Variants in DSCAM observed in about 807,000 individuals in gnomAD.
DSCAM encodes DS cell adhesion molecule.
A neutral mutation model predicts 217.7 loss-of-function variants in DSCAM; 47 were observed. The ratio of observed to expected loss-of-function variants is 0.22; its 90% CI spans 0.17 to 0.28. DSCAM has a LOEUF of 0.28. Ranked by LOEUF, DSCAM falls within the 10% of genes least tolerant of loss-of-function variation. The pLI is 1.00. For synonymous variants in DSCAM, 1,056 were observed against 1,015.3 expected (o/e 1.04, Z -0.76); for missense variants, 2,080 against 2,618.3 (o/e 0.79, Z 4.49).
At chr21:40,611,152 G>A (rs777071575) in intron 3 of DSCAM, among the ~76,000 whole-genome samples, 4 of 145,770 alleles carry the variant, frequency 2.7e-5, no homozygotes, top group Non-Finnish European at 4.5e-5. Flanking sequence ...TCTGCCTCCC[G>A]GGTTCAAGCG....
chr21:40,250,456 C>G (rs1221584641), intron 11 of DSCAM, among the ~76,000 whole-genome samples: 2 of 152,302 alleles, frequency 1.3e-5, no homozygotes, highest in East Asian at 3.9e-4. Context: ...GATGCATCTT[C>G]TGTGGTTCTT....
chr21:40,275,626 T>C (rs1282554720), intron 11 of DSCAM, among the ~76,000 whole-genome samples: 1 of 152,206 alleles, frequency 6.6e-6, no homozygotes, highest in Non-Finnish European at 1.5e-5. Flanking sequence ...TGTTCGCTAG[T>C]CACTTGATTT....
chr21:40,333,509 T>A (rs1381985672), intron 8 of DSCAM, among the ~76,000 whole-genome samples: 1 of 152,126 alleles, frequency 6.6e-6, no homozygotes, highest in Non-Finnish European at 1.5e-5. Flanking sequence ...GGATTACAGG[T>A]GTGTGCCACC....
rs896288427 is a variant in DSCAM at position 40,011,486 on chromosome 21, G to A, written c.*1548C>T. On this transcript the variant is annotated 3_prime_UTR_variant, in exon 33 of 33. Coordinates refer to ENST00000400454, the MANE Select transcript of DSCAM (RefSeq NM_001389.5). Reference sequence around the variant, plus strand: ...CTTCAGCCTGGGAGACTGAGCAGCTGTGGATATTTGATCATGTTTTCTGGT... The same window carrying A: ...CTTCAGCCTGGGAGACTGAGCAGCTATGGATATTTGATCATGTTTTCTGGT... The A allele has an allele frequency of 2.6e-5, 4 of 152,306 alleles. No individual in the cohort carries two copies. The highest frequency in any genetic ancestry group is 4.1e-4 in the South Asian group (2 of 4,820). The allele number at this position is 152,306 out of a possible 1,614,324, so 9.4% of individuals were successfully genotyped here.
rs140091698 is a variant in DSCAM, at chr21:40,042,061, G to A, written c.5686+310C>T. Among the ~76,000 whole-genome samples the A allele has an allele frequency of 6.9e-3, 1,052 of 152,280 alleles. 13 individuals carry two copies. Among genetic ancestry groups the A allele is most frequent in the African/African-American group, 0.024 (978 of 41,558 alleles). ...TGCTGTGAGGAAGCTAAAGCACCTT[G>A]TGGAGAGGCCAGCACAGGGAGAACA... is the stretch of plus-strand genomic sequence containing the variant. On this transcript the variant is annotated intron_variant, in intron 32 of 32. Transcript: ENST00000400454.
chr21:40,683,054 A>C (rs2090431911), intron 3 of DSCAM, among the ~76,000 whole-genome samples: 1 of 152,236 alleles, frequency 6.6e-6, no homozygotes, highest in South Asian at 2.1e-4. Flanking sequence ...TCTGCACGCC[A>C]GGATGAGGCC....
intron 32 of DSCAM, among the ~76,000 whole-genome samples, chr21:40,022,462 G>A (rs1286799900): frequency 6.6e-6 from 1 of 152,196 alleles, no homozygotes; most frequent in Non-Finnish European, 1.5e-5. Flanking sequence ...ATAAAGCATT[G>A]AATTCAACCA....
At chr21:40,315,929 A>G (rs1035906929) in intron 8 of DSCAM, among the ~76,000 whole-genome samples, 4 of 152,222 alleles carry the variant, frequency 2.6e-5, no homozygotes, top group African/African-American at 7.2e-5. Flanking sequence ...CTAAAAGTAA[A>G]TTATAAAGAA....
intron 3 of DSCAM, among the ~76,000 whole-genome samples, chr21:40,487,875 G>C (rs989577502): frequency 6.6e-6 from 1 of 152,194 alleles, no homozygotes; most frequent in Non-Finnish European, 1.5e-5. Context: ...GAGAGTTGTA[G>C]CCAGCATAGT....
intron 9 of DSCAM, among the ~76,000 whole-genome samples, chr21:40,300,995 T>A (rs747988101): frequency 6.6e-6 from 1 of 151,746 alleles, no homozygotes; most frequent in Admixed American, 6.5e-5. Context: ...CAACTTTTAC[T>A]GATTTTCTTT....
chr21:40,605,820 T>TTTTA lies in DSCAM; in HGVS notation c.508+86989_508+86990insTAAA, dbSNP rs1568933715. Among the ~76,000 whole-genome samples the TTTTA allele has an allele frequency of 5.9e-5, 8 of 134,898 alleles. 1 individual carries two copies. In the East Asian group the frequency reaches 1.4e-3, roughly 23 times the overall value. 88.5% of individuals were successfully genotyped at this position (134,898 alleles called of 152,430 possible). ...TTTTTTTTTTTTTTTTTTTTTTTTTTAAGACAGTCTCACTGTATTGCCCAG... is the reference window on the plus strand; with the variant it reads ...TTTTTTTTTTTTTTTTTTTTTTTTTTTTTAAAGACAGTCTCACTGTATTGCCCAG... On this transcript the variant is annotated intron_variant, in intron 3 of 32. Coordinates refer to ENST00000400454, the MANE Select transcript of DSCAM (RefSeq NM_001389.5).
At chr21:40,448,739 T>C in intron 3 of DSCAM, among the ~76,000 whole-genome samples, 1 of 152,202 alleles carries the variant, frequency 6.6e-6, no homozygotes, top group South Asian at 2.1e-4. Flanking sequence ...CTTTTGTTTT[T>C]AGGAGTATAT....
intron 3 of DSCAM, among the ~76,000 whole-genome samples, chr21:40,472,778 C>G (rs538140074): frequency 3.3e-5 from 5 of 151,570 alleles, no homozygotes; most frequent in African/African-American, 1.2e-4. Flanking sequence ...GAGCAATTAT[C>G]TGAGGTGTGT....
chr21:40,014,689 G>A (rs935881702), intron 32 of DSCAM, among the ~76,000 whole-genome samples: 7 of 152,104 alleles, frequency 4.6e-5, no homozygotes, highest in Non-Finnish European at 8.8e-5. Context: ...CCTCTGTTAT[G>A]GTCTCCAGAC....
chr21:40,780,423 G>GTGTGTGTATATATA (rs1007015659), intron 1 of DSCAM, among the ~76,000 whole-genome samples: 5 of 56,416 alleles, frequency 8.9e-5, no homozygotes, highest in Non-Finnish European at 1.3e-4. Flanking sequence ...GTGTGTGTGT[G>GTGTGTGTATATATA]TATATATATA....
rs2088368314 is a variant in DSCAM, at chr21:40,025,781, G to C, written c.5687-12395C>G. ...CTCTCTTTTTCTCTTTATTAGTCTT[G>C]CTAGCAGTCTATCTATTTTGTTGAT... On this transcript the variant is annotated intron_variant, in intron 32 of 32. Transcript: ENST00000400454. Among the ~76,000 whole-genome samples the C allele has an allele frequency of 5.3e-5, 8 of 150,670 alleles. No individual in the cohort carries two copies. In the South Asian group the frequency reaches 1.7e-3, roughly 32 times the overall value.
At chr21:40,031,421 C>T (rs1245212660) in intron 32 of DSCAM, among the ~76,000 whole-genome samples, 1 of 152,190 alleles carries the variant, frequency 6.6e-6, no homozygotes, top group African/African-American at 2.4e-5. Context: ...GATTGAATAT[C>T]TCCTGAGTAA....
At chr21:40,448,418 C>T (rs919874510) in intron 3 of DSCAM, among the ~76,000 whole-genome samples, 3 of 152,056 alleles carry the variant, frequency 2.0e-5, no homozygotes, top group African/African-American at 7.2e-5. Context: ...ACACTAGTGG[C>T]CCCCCAGTTC....
intron 3 of DSCAM, among the ~76,000 whole-genome samples, chr21:40,559,381 C>G (rs1401473885): frequency 6.6e-6 from 1 of 151,902 alleles, no homozygotes; most frequent in Non-Finnish European, 1.5e-5. Context: ...TAGCGTAAAC[C>G]CGGGGGGTGG....
Sources: gnomAD v4.1 joint callset for allele counts (sites outside exome capture counted in the v4.1 genomes callset) on GRCh38, gnomAD v4.1.1 for gene constraint, MANE v1.5 for transcripts, NCBI Gene and HGNC (gene_info 2026-07-23, HGNC 2026-07-21) for gene names.